HESX1: variants seen among roughly 807,000 people sequenced by gnomAD.
HESX1 encodes the protein homeobox expressed in ES cells 1.
A neutral mutation model predicts 22.5 loss-of-function variants in HESX1; 11 were observed. The observed-to-expected ratio is 0.49, with a 90% CI of 0.31 to 0.81. HESX1 has a LOEUF of 0.81. HESX1 is among the 30% of genes least tolerant of loss of function. The pLI is 0.05. For synonymous variants in HESX1, 74 were observed against 76.5 expected (o/e 0.97, Z 0.17); for missense variants, 201 against 212.6 (o/e 0.95, Z 0.34).
chr3:57,207,042 G>A (rs2060523606), intron 1 of HESX1, among the ~76,000 whole-genome samples: 1 of 152,058 alleles, frequency 6.6e-6, no homozygotes, highest in Non-Finnish European at 1.5e-5. Flanking sequence ...GCACCTCCTG[G>A]GTTCAAGCAA....
intron 1 of HESX1, among the ~76,000 whole-genome samples, chr3:57,219,319 G>A (rs1283488399): frequency 6.6e-6 from 1 of 152,032 alleles, no homozygotes; most frequent in Non-Finnish European, 1.5e-5. Flanking sequence ...ATGCTCATAG[G>A]CCACATGTAT....
intron 1 of HESX1, among the ~76,000 whole-genome samples, chr3:57,205,833 T>C (rs1410841945): frequency 6.6e-6 from 1 of 152,178 alleles, no homozygotes; most frequent in African/African-American, 2.4e-5. Flanking sequence ...ATAGGTTTAT[T>C]ATGTTTATTG....
intron 1 of HESX1, among the ~76,000 whole-genome samples, chr3:57,222,671 CAAACAAAAAACA>C (rs983811324): frequency 3.9e-5 from 6 of 151,980 alleles, no homozygotes; most frequent in Non-Finnish European, 5.9e-5. Flanking sequence ...CACCACCCGC[CAAACAAAAAACA>C]AAACAAAAAA....
chr3:57,198,153 A>G lies in HESX1; in HGVS notation c.*44T>C, dbSNP rs938365060. On this transcript the variant is annotated 3_prime_UTR_variant, in exon 4 of 4. Transcript: ENST00000295934. ...CACTTAATATTTCCACTGATTCTTC[A>G]TGCTCTGCAATTAGAAGATAATTTC... 16 of 1,156,956 alleles carry G rather than the reference A, an allele frequency of 1.4e-5. No homozygotes were observed. In the Admixed American group the frequency reaches 2.7e-4, roughly 20 times the overall value. 71.7% of individuals were successfully genotyped at this position (1,156,956 alleles called of 1,614,324 possible). A position where few individuals can be genotyped will look rare whatever the true frequency, so the allele number is the denominator to read the frequency against.
intron 1 of HESX1, among the ~76,000 whole-genome samples, chr3:57,220,419 C>T (rs967135588): frequency 1.3e-5 from 2 of 152,050 alleles, no homozygotes; most frequent in South Asian, 2.1e-4. Context: ...GTTAATTTGC[C>T]ATTTGTTTAT....
chr3:57,213,394 G>C (rs2060566710), intron 1 of HESX1, among the ~76,000 whole-genome samples: 1 of 152,106 alleles, frequency 6.6e-6, no homozygotes, highest in Non-Finnish European at 1.5e-5. Flanking sequence ...TGTCCTGCCT[G>C]GATTGACAGT....
chr3:57,202,392 G>A (rs2060495507), upstream of HESX1, among the ~76,000 whole-genome samples: 1 of 152,058 alleles, frequency 6.6e-6, no homozygotes, highest in South Asian at 2.1e-4. Context: ...CTGGAGTGCG[G>A]TGGCGTGATC....
rs191282355 is a variant in HESX1, at chr3:57,222,293, G to C, written c.-111+4003C>G. Among the ~76,000 whole-genome samples the C allele has an allele frequency of 2.1e-4, 32 of 152,088 alleles. No homozygotes were observed. In the East Asian group the frequency reaches 6.0e-3, roughly 29 times the overall value. On this transcript the variant is annotated intron_variant, in intron 1 of 2. Transcript: ENST00000495160. ...AAGCATTTTTTTGAGACAGGGTCTC[G>C]CTATCACCAGGCTGGAGTACAGCGG... is the stretch of plus-strand genomic sequence containing the variant.
chr3:57,202,069 C>T (rs934964634), upstream of HESX1, among the ~76,000 whole-genome samples: 6 of 151,918 alleles, frequency 3.9e-5, no homozygotes, highest in African/African-American at 1.4e-4. Context: ...CAGGCGCCCG[C>T]CACCACGCCT....
intron 1 of HESX1, among the ~76,000 whole-genome samples, chr3:57,209,686 A>AG (rs1239221148): frequency 6.6e-6 from 1 of 151,728 alleles, no homozygotes; most frequent in Non-Finnish European, 1.5e-5. Flanking sequence ...AAAAAAAAAA[A>AG]AAAAGAAAAG....
chr3:57,223,166 A>G (rs1167049323), intron 1 of HESX1, among the ~76,000 whole-genome samples: 1 of 152,160 alleles, frequency 6.6e-6, no homozygotes, highest in Non-Finnish European at 1.5e-5. Flanking sequence ...AAATAACCTT[A>G]CTTAAGTCAC....
upstream of HESX1, among the ~76,000 whole-genome samples, chr3:57,200,957 A>T (rs562504108): frequency 8.5e-5 from 13 of 152,348 alleles, no homozygotes; most frequent in Admixed American, 8.5e-4. Context: ...CTGATTGGGA[A>T]GATTTTGAAC....
At chr3:57,224,263 C>T (rs920242728) in intron 1 of HESX1, among the ~76,000 whole-genome samples, 21 of 152,308 alleles carry the variant, frequency 1.4e-4, no homozygotes, top group Admixed American at 1.1e-3. Flanking sequence ...GGATTACAGG[C>T]ATGAGCCACT....
intron 1 of HESX1, among the ~76,000 whole-genome samples, chr3:57,223,318 A>T (rs1206000275): frequency 3.3e-5 from 5 of 152,212 alleles, no homozygotes; most frequent in African/African-American, 1.2e-4. Flanking sequence ...CAAATTAATT[A>T]ATGTGTTCTT....
upstream of HESX1, among the ~76,000 whole-genome samples, chr3:57,202,001 C>T (rs2060492414): frequency 6.6e-6 from 1 of 151,474 alleles, no homozygotes; most frequent in Admixed American, 6.6e-5. Context: ...TCACGGCAAG[C>T]TCCGCCTCCC....
intron 1 of HESX1, among the ~76,000 whole-genome samples, chr3:57,211,787 C>G (rs1044247197): frequency 6.6e-6 from 1 of 151,638 alleles, no homozygotes; most frequent in Middle Eastern, 3.4e-3. Flanking sequence ...GAGGTGAGAT[C>G]GCGCCACTGC....
chr3:57,209,690 A>AT (rs2060541796), intron 1 of HESX1, among the ~76,000 whole-genome samples: 1 of 145,634 alleles, frequency 6.9e-6, no homozygotes, highest in African/African-American at 2.5e-5. Context: ...AAAAAAAAAA[A>AT]GAAAAGAAAA....
rs779817980 is a variant in HESX1, at chr3:57,198,972, C to T, written c.158-20G>A. 3.7e-6 allele frequency: 6 copies of T among 1,604,868 alleles called. No individual in the cohort carries two copies. Among genetic ancestry groups the T allele is most frequent in the Non-Finnish European group, 3.4e-6 (4 of 1,171,662 alleles). ...CTTTCCCTAAAAACAAAAAAATAAGCCCTGTCTTAGATGGTCAATCTTATG... is the reference window on the plus strand; with the variant it reads ...CTTTCCCTAAAAACAAAAAAATAAGTCCTGTCTTAGATGGTCAATCTTATG... On this transcript the variant is annotated intron_variant, in intron 1 of 3. Coordinates refer to ENST00000295934, the MANE Select transcript of HESX1 (RefSeq NM_003865.3).
chr3:57,204,560 T>C (rs1325888682), upstream of HESX1, among the ~76,000 whole-genome samples: 1 of 152,174 alleles, frequency 6.6e-6, no homozygotes, highest in African/African-American at 2.4e-5. Flanking sequence ...GGATAGCAAG[T>C]TGCTATAAGC....
Sources: allele counts gnomAD v4.1 joint callset (sites outside exome capture counted in the v4.1 genomes callset), GRCh38; gene constraint gnomAD v4.1.1; transcripts MANE v1.5; gene names NCBI Gene and HGNC (gene_info 2026-07-23, HGNC 2026-07-21).